Variants in KCNIP4 observed in about 807,000 individuals in gnomAD.
KCNIP4 encodes Kv channel-interacting protein 4.
In KCNIP4, 12 loss-of-function variants were observed where a neutral mutation model predicts 34.0. The observed-to-expected ratio is 0.35, with a 90% confidence interval of 0.23 to 0.57. The LOEUF (loss-of-function observed/expected upper bound fraction) is 0.57. Ranked by LOEUF, KCNIP4 falls within the 20% of genes least tolerant of loss-of-function variation. KCNIP4 has a pLI of 0.83. For missense variants in KCNIP4, 238 were observed against 311.7 expected (o/e 0.76, Z 1.78); for synonymous variants, 124 against 102.2 (o/e 1.21, Z -1.29).
intron 1 of KCNIP4, among the ~76,000 whole-genome samples, chr4:21,936,290 T>A (rs1304271981): frequency 6.6e-6 from 1 of 152,076 alleles, no homozygotes; most frequent in African/African-American, 2.4e-5. Flanking sequence ...TCTCACAAGA[T>A]CTGATGGTTT....
intron 1 of KCNIP4, among the ~76,000 whole-genome samples, chr4:21,658,657 C>T (rs1748169402): frequency 2.6e-5 from 4 of 152,110 alleles, no homozygotes; most frequent in Admixed American, 2.6e-4. Flanking sequence ...CACCTCAGCC[C>T]CCCAAAGTGT....
In KCNIP4 at chr4:21,468,158, T is replaced by C. The variant is rs1483580266; in HGVS notation, c.61+480413A>G. Among the ~76,000 whole-genome samples the C allele has an allele frequency of 2.0e-5, 3 of 151,914 alleles. 1 individual carries two copies. Among genetic ancestry groups the C allele is most frequent in the South Asian group, 4.1e-4 (2 of 4,820 alleles). ...GCTCAAGAAAACCTATTCCCAGATA[T>C]AAAGTCAAAAAGAGAGAATAAAGCC... On this transcript the variant is annotated intron_variant, in intron 1 of 8. Transcript: ENST00000382152.
intron 1 of KCNIP4, among the ~76,000 whole-genome samples, chr4:20,928,545 A>G (rs1730122569): frequency 6.6e-6 from 1 of 151,976 alleles, no homozygotes; most frequent in Non-Finnish European, 1.5e-5. Flanking sequence ...ATAGCCTAAC[A>G]TTATGCCTCA....
At chr4:20,882,784 A>C in intron 1 of KCNIP4, 75 bp from the exon 2 acceptor site, 1 of 1,200,826 alleles carries the variant, frequency 8.3e-7, no homozygotes, top group Non-Finnish European at 1.2e-6. Flanking sequence ...TTTATCAGAG[A>C]AGCCAGGCAG....
chr4:21,138,661 C>T (rs573319903), intron 1 of KCNIP4, among the ~76,000 whole-genome samples: 8 of 151,964 alleles, frequency 5.3e-5, no homozygotes, highest in African/African-American at 1.9e-4. Flanking sequence ...AGGGACTTTG[C>T]GTATGTGATT....
intron 1 of KCNIP4, among the ~76,000 whole-genome samples, chr4:21,271,294 G>C (rs1762131322): frequency 6.6e-6 from 1 of 152,160 alleles, no homozygotes; most frequent in South Asian, 2.1e-4. Flanking sequence ...TATGGTCAGA[G>C]ACTTTCCATG....
intron 1 of KCNIP4, among the ~76,000 whole-genome samples, chr4:21,025,346 G>A (rs1406345265): frequency 6.6e-6 from 1 of 151,936 alleles, no homozygotes; most frequent in East Asian, 1.9e-4. Context: ...GTAAGGATGG[G>A]CCAATTGTCA....
intron 1 of KCNIP4, among the ~76,000 whole-genome samples, chr4:21,225,055 G>C (rs1758277988): frequency 6.6e-6 from 1 of 152,130 alleles, no homozygotes; most frequent in Non-Finnish European, 1.5e-5. Flanking sequence ...GTTTAAGGTA[G>C]GCTATGTTAA....
chr4:20,765,200 A>G (rs1352571648), intron 3 of KCNIP4, among the ~76,000 whole-genome samples: 1 of 152,192 alleles, frequency 6.6e-6, no homozygotes, highest in Non-Finnish European at 1.5e-5. Context: ...GTGGAATATA[A>G]CATTTAGTGG....
intron 1 of KCNIP4, among the ~76,000 whole-genome samples, chr4:21,000,794 C>T (rs1157842280): frequency 6.6e-6 from 1 of 152,190 alleles, no homozygotes; most frequent in Non-Finnish European, 1.5e-5. Context: ...ACTCCAGCTA[C>T]AGCGGTCTCC....
At chr4:21,204,178 T>A (rs570448671) in intron 1 of KCNIP4, among the ~76,000 whole-genome samples, 8 of 51,060 alleles carry the variant, frequency 1.6e-4, no homozygotes, top group Admixed American at 8.9e-4. Flanking sequence ...ACTCTTCCTA[T>A]TTTTTTTTAA....
chr4:21,839,331 TA>T (rs1380650562), intron 1 of KCNIP4, among the ~76,000 whole-genome samples: 2 of 152,186 alleles, frequency 1.3e-5, no homozygotes, highest in Non-Finnish European at 2.9e-5. Flanking sequence ...GATGCAAACA[TA>T]AGTCAGATTA....
At chr4:21,647,786 A>T (rs1432595004) in intron 1 of KCNIP4, among the ~76,000 whole-genome samples, 1 of 148,552 alleles carries the variant, frequency 6.7e-6, no homozygotes, top group Non-Finnish European at 1.5e-5. Flanking sequence ...ACCCCACTCA[A>T]CCATATCACA....
chr4:21,634,541 G>A (rs938584758), intron 1 of KCNIP4, among the ~76,000 whole-genome samples: 5 of 152,064 alleles, frequency 3.3e-5, no homozygotes, highest in Middle Eastern at 6.8e-3. Context: ...CTACCTCAAG[G>A]CCACAGTGAA....
intron 1 of KCNIP4, among the ~76,000 whole-genome samples, chr4:21,488,064 C>T (rs1273966539): frequency 1.3e-5 from 2 of 152,110 alleles, no homozygotes; most frequent in Non-Finnish European, 1.5e-5. Flanking sequence ...TCTAGGCCCT[C>T]TTAATTGACA....
intron 1 of KCNIP4, among the ~76,000 whole-genome samples, chr4:21,822,820 A>G (rs1159607996): frequency 6.7e-6 from 1 of 150,306 alleles, no homozygotes; most frequent in Non-Finnish European, 1.5e-5. Flanking sequence ...CGGTTTCAAG[A>G]GATTCTCTTG....
intron 1 of KCNIP4, among the ~76,000 whole-genome samples, chr4:21,495,813 C>T (rs6827581): frequency 0.22 from 32,968 of 152,128 alleles, 3,779 homozygotes; most frequent in Admixed American, 0.27. Context: ...AAGAATTATT[C>T]AATCAAAATA....
chr4:21,389,001 T>C (rs1159288442), intron 1 of KCNIP4, among the ~76,000 whole-genome samples: 1 of 152,108 alleles, frequency 6.6e-6, no homozygotes, highest in East Asian at 1.9e-4. Flanking sequence ...TTTTTTTTCT[T>C]TGAGACAGAA....
intron 1 of KCNIP4, among the ~76,000 whole-genome samples, chr4:21,400,610 T>G (rs1723472082): frequency 1.3e-5 from 2 of 150,642 alleles, no homozygotes; most frequent in Non-Finnish European, 3.0e-5. Flanking sequence ...TTCTCCTGCT[T>G]TTCTAGTAAT....
Sources: gnomAD v4.1 joint callset for allele counts (sites outside exome capture counted in the v4.1 genomes callset) on GRCh38, gnomAD v4.1.1 for gene constraint, MANE v1.5 for transcripts, NCBI Gene and HGNC (gene_info 2026-07-23, HGNC 2026-07-21) for gene names.